The following TSC22D3 variants were observed in gnomAD, a reference collection of about 807,000 sequenced individuals.
TSC22D3 encodes TSC22 domain family protein 3.
In TSC22D3, 4 loss-of-function variants were observed where a neutral mutation model predicts 11.1. That is an observed-to-expected ratio of 0.36 (90% confidence interval 0.18 to 0.83). TSC22D3 has a LOEUF of 0.83. Among genes scored for constraint, TSC22D3 ranks in the 40% least tolerant of loss-of-function variants. The pLI is 0.48. For missense variants in TSC22D3, 118 were observed against 159.4 expected (o/e 0.74, Z 1.40); for synonymous variants, 77 against 70.3 (o/e 1.10, Z -0.48).
At chrX:107,746,071 C>G (rs943217328) in intron 1 of TSC22D3, among the ~76,000 whole-genome samples, 1 of 112,184 alleles carries the variant, frequency 8.9e-6, no homozygotes, top group African/African-American at 3.2e-5. Flanking sequence ...TCCCATTGAT[C>G]CAAGAACAAT....
At chrX:107,754,143 A>T (rs781749399) in intron 1 of TSC22D3, among the ~76,000 whole-genome samples, 3 of 109,950 alleles carry the variant, frequency 2.7e-5, no homozygotes, top group East Asian at 5.7e-4. Flanking sequence ...CTGGTCTCGA[A>T]CTCTTGACCT....
rs767301660 is a variant in TSC22D3 at position 107,753,262 on chromosome X, G to C, written c.320+21838C>G. On this transcript the variant is annotated intron_variant, in intron 1 of 2. Transcript: ENST00000372383. The stretch of plus-strand genomic sequence containing the variant: ...ACTCAGGGAAGGGAGGAAGGGCCAG[G>C]ATGCTGGCCTCCTGAGGTAGCATAG... 2.7e-5 allele frequency among the ~76,000 whole-genome samples: 3 copies of C among 111,474 alleles called. No homozygotes were observed. The South Asian group carries it at 1.1e-3, about 42-fold the overall frequency.
intron 1 of TSC22D3, among the ~76,000 whole-genome samples, chrX:107,760,795 C>T (rs767298150): frequency 8.9e-6 from 1 of 112,465 alleles, no homozygotes; most frequent in South Asian, 3.7e-4. Flanking sequence ...GCTCTCCCCT[C>T]CCTGAAGAAG....
chrX:107,722,957 G>A, intron 1 of TSC22D3, among the ~76,000 whole-genome samples: 1 of 111,617 alleles, frequency 9.0e-6, no homozygotes, highest in East Asian at 2.8e-4. Flanking sequence ...CTTCCTTCCA[G>A]AATATTCTAG....
intron 1 of TSC22D3, among the ~76,000 whole-genome samples, chrX:107,733,102 A>G (rs1032807598): frequency 9.4e-6 from 1 of 106,178 alleles, no homozygotes; most frequent in Non-Finnish European, 1.9e-5. Flanking sequence ...CCTGTCTCAA[A>G]AAAAAAAAAA....
At chrX:107,754,601 G>T (rs1248980987) in intron 1 of TSC22D3, among the ~76,000 whole-genome samples, 2 of 112,177 alleles carry the variant, frequency 1.8e-5, no homozygotes, top group South Asian at 3.7e-4. Flanking sequence ...GCAATGAGTT[G>T]CTAGCACACA....
chrX:107,716,556 C>T, intron 1 of TSC22D3: 1 of 835,303 alleles, frequency 1.2e-6, no homozygotes, highest in Non-Finnish European at 1.4e-6. Flanking sequence ...CCCCTCCCCC[C>T]CGCCCCTTCC....
chrX:107,725,025 C>A (rs1238185891), intron 1 of TSC22D3, among the ~76,000 whole-genome samples: 1 of 111,259 alleles, frequency 9.0e-6, no homozygotes, highest in Non-Finnish European at 1.9e-5. Flanking sequence ...AAAAAAAAAT[C>A]CCTCTCAGTC....
intron 1 of TSC22D3, among the ~76,000 whole-genome samples, chrX:107,760,501 T>C (rs1424277551): frequency 8.9e-6 from 1 of 112,032 alleles, no homozygotes; most frequent in South Asian, 3.7e-4. Flanking sequence ...CCACCCCACA[T>C]TGGGCCTCAG....
intron 1 of TSC22D3, chrX:107,716,909 C>A (rs1927077186): frequency 1.7e-6 from 2 of 1,153,816 alleles, no homozygotes; most frequent in Non-Finnish European, 2.3e-6. Flanking sequence ...CTGGGCTCTG[C>A]GCTGGAGTCC....
intron 1 of TSC22D3, among the ~76,000 whole-genome samples, chrX:107,769,773 C>T (rs950653909): frequency 2.7e-5 from 3 of 109,469 alleles, no homozygotes; most frequent in African/African-American, 1.0e-4. Context: ...GGGCACCAGG[C>T]TCACTCATTG....
At chrX:107,744,960 T>G (rs1928587458) in intron 1 of TSC22D3, among the ~76,000 whole-genome samples, 1 of 111,954 alleles carries the variant, frequency 8.9e-6, no homozygotes, top group Admixed American at 9.5e-5. Flanking sequence ...TCAATGGTGC[T>G]TTTTCAACTC....
chrX:107,749,377 AAAAAG>A (rs757162485), intron 1 of TSC22D3, among the ~76,000 whole-genome samples: 49 of 111,099 alleles, frequency 4.4e-4, no homozygotes, highest in African/African-American at 1.2e-3. Flanking sequence ...TCTGTCTCAA[AAAAAG>A]AAAAGAAAAG....
At chrX:107,757,382 G>A (rs1411831897) in intron 1 of TSC22D3, among the ~76,000 whole-genome samples, 1 of 111,797 alleles carries the variant, frequency 8.9e-6, no homozygotes, top group Non-Finnish European at 1.9e-5. Flanking sequence ...CAGGGCTGAG[G>A]CCAGGAGCTC....
intron 1 of TSC22D3, chrX:107,716,375 G>GCGGCGCA: frequency 2.2e-6 from 2 of 917,999 alleles, no homozygotes; most frequent in Non-Finnish European, 2.7e-6. Context: ...CTTCTCCCAA[G>GCGGCGCA]CGGCGCACGG....
intron 1 of TSC22D3, 28 bp downstream of exon 1, chrX:107,775,072 A>G: frequency 8.3e-7 from 1 of 1,201,452 alleles, no homozygotes. Context: ...GCAAGGACCG[A>G]GTTGCCGCCG....
chrX:107,722,818 T>A (rs1287763492), intron 1 of TSC22D3, among the ~76,000 whole-genome samples: 1 of 112,143 alleles, frequency 8.9e-6, no homozygotes, highest in Non-Finnish European at 1.9e-5. Flanking sequence ...CCCCTGCCCA[T>A]GCTAGTTGCC....
intron 1 of TSC22D3, among the ~76,000 whole-genome samples, chrX:107,739,535 G>A (rs774209680): frequency 2.7e-5 from 3 of 112,551 alleles, no homozygotes; most frequent in South Asian, 7.4e-4. Flanking sequence ...AAGGGCATGC[G>A]TGTTGGAGCA....
intron 1 of TSC22D3, among the ~76,000 whole-genome samples, chrX:107,755,484 G>T (rs12845918): frequency 0.044 from 4,912 of 112,493 alleles, 120 homozygotes; most frequent in Middle Eastern, 0.18. Flanking sequence ...TCTCTCCAGG[G>T]CTTGCCTTCG....
Sources: allele counts gnomAD v4.1 joint callset (sites outside exome capture counted in the v4.1 genomes callset), GRCh38; gene constraint gnomAD v4.1.1; transcripts MANE v1.5; gene names NCBI Gene and HGNC (gene_info 2026-07-23, HGNC 2026-07-21).